The following EGFLAM variants were observed in gnomAD, a reference collection of about 807,000 sequenced individuals.
The protein encoded by EGFLAM is EGF like, fibronectin type III and laminin G domains, also known as pikachurin.
A neutral mutation model predicts 113.1 loss-of-function variants in EGFLAM; 79 were observed. That is an observed-to-expected ratio of 0.70 (90% CI 0.58 to 0.84). The LOEUF is 0.84. Among genes scored for constraint, EGFLAM ranks in the 40% least tolerant of loss-of-function variants. EGFLAM has a pLI of 0.00. For missense variants in EGFLAM, 1,265 were observed against 1,291.6 expected, an observed-to-expected ratio of 0.98 and a Z score of 0.32; for synonymous variants, 504 against 487.6, an observed-to-expected ratio of 1.03 and a Z score of -0.44.
chr5:38,295,982 C>T (rs1159208783), intron 1 of EGFLAM, among the ~76,000 whole-genome samples: 1 of 152,058 alleles, frequency 6.6e-6, no homozygotes. Context: ...AATTGTGAAG[C>T]ACTTTGGTGG....
intron 19 of EGFLAM, among the ~76,000 whole-genome samples, chr5:38,455,507 G>A (rs921204129): frequency 6.6e-6 from 1 of 152,172 alleles, no homozygotes; most frequent in Non-Finnish European, 1.5e-5. Context: ...ACAAGATATA[G>A]AACATGTCCA....
At chr5:38,378,488 C>G (rs1357468410) in intron 6 of EGFLAM, among the ~76,000 whole-genome samples, 2 of 152,188 alleles carry the variant, frequency 1.3e-5, no homozygotes, top group African/African-American at 2.4e-5. Context: ...CAGCAGTGAG[C>G]AGAGAGGAAG....
At chr5:38,435,452 C>T (rs892758612) in intron 16 of EGFLAM, among the ~76,000 whole-genome samples, 199 bp downstream of exon 16, 2 of 152,306 alleles carry the variant, frequency 1.3e-5, no homozygotes, top group Admixed American at 1.3e-4. Flanking sequence ...TGGGTCTATG[C>T]CCGGCAGACA....
Position 38,420,840 on chromosome 5 carries a change from AC to A in EGFLAM, c.1684+2587del, listed in dbSNP as rs1741797805. The stretch of plus-strand genomic sequence containing the variant: ...GATACCCACTTTTCCAGCAGGTGGC[AC>A]CAAAAGGACCTCTCTTGTGGGCTTC... On this transcript the variant is annotated intron_variant, in intron 12 of 21. Coordinates refer to ENST00000322350, the MANE Select transcript of EGFLAM (RefSeq NM_152403.4). Among the ~76,000 whole-genome samples the A allele has an allele frequency of 2.0e-5, 3 of 152,160 alleles. No individual in the cohort carries two copies. In the South Asian group the frequency reaches 6.2e-4, roughly 31 times the overall value.
chr5:38,281,325 G>A (rs1457462555), intron 1 of EGFLAM, among the ~76,000 whole-genome samples: 1 of 151,646 alleles, frequency 6.6e-6, no homozygotes, highest in Admixed American at 6.6e-5. Flanking sequence ...TAAAATAGAG[G>A]ATGCCCAGCT....
chr5:38,418,577 A>C (rs1191508059), intron 12 of EGFLAM, among the ~76,000 whole-genome samples: 2 of 152,180 alleles, frequency 1.3e-5, no homozygotes, highest in African/African-American at 4.8e-5. Context: ...CAGCCCTTTT[A>C]CCTTACCTCA....
At chr5:38,336,348 C>A (rs1327846344) in intron 1 of EGFLAM, among the ~76,000 whole-genome samples, 2 of 152,134 alleles carry the variant, frequency 1.3e-5, no homozygotes, top group East Asian at 3.9e-4. Flanking sequence ...CCAAGGCGGG[C>A]AGGTCACAAG....
At chr5:38,398,796 C>G (rs1347052742) in intron 6 of EGFLAM, among the ~76,000 whole-genome samples, 1 of 152,200 alleles carries the variant, frequency 6.6e-6, no homozygotes, top group East Asian at 1.9e-4. Flanking sequence ...TCTAACCAAC[C>G]AATTCTTGAA....
intron 12 of EGFLAM, among the ~76,000 whole-genome samples, chr5:38,421,542 T>C (rs1579907633): frequency 6.6e-6 from 1 of 152,364 alleles, no homozygotes; most frequent in South Asian, 2.1e-4. Flanking sequence ...ACCTGCTTAG[T>C]GCTTGTCACA....
At position 38,412,620 on chromosome 5, in the gene EGFLAM, A is replaced by G. The variant is rs750571042; in HGVS notation, c.1466A>G (p.Asn489Ser). 3.7e-6 allele frequency: 6 copies of G among 1,614,110 alleles called. No homozygotes were observed. The highest frequency in any genetic ancestry group is 4.5e-5 in the East Asian group (2 of 44,870). ...DGLNGLLQLN[N>S]GTPVTGQSQG... is the part of the protein sequence containing the mutation. ...CTGAACGGGCTGCTGCAGCTGAACA[A>G]TGGCACCCCAGTGACAGGCCAGTCT... The change falls in exon 11 of 22, where the codon AAT becomes AGT. Residue 489 changes from asparagine to serine, a missense_variant. Coordinates refer to ENST00000322350, the MANE Select transcript of EGFLAM (RefSeq NM_152403.4).
intron 14 of EGFLAM, chr5:38,427,470 T>G: frequency 1.6e-6 from 1 of 643,160 alleles, no homozygotes; most frequent in Non-Finnish European, 2.5e-6. Flanking sequence ...CTCAAATAAC[T>G]ACCCAACAGG....
intron 6 of EGFLAM, among the ~76,000 whole-genome samples, chr5:38,372,212 G>A (rs866799998): frequency 4.0e-5 from 6 of 151,380 alleles, no homozygotes; most frequent in Non-Finnish European, 7.4e-5. Context: ...GCGCGATCTC[G>A]GCTCACTGCA....
intron 4 of EGFLAM, among the ~76,000 whole-genome samples, chr5:38,351,515 G>A (rs1371571018): frequency 6.6e-6 from 1 of 152,134 alleles, no homozygotes; most frequent in Non-Finnish European, 1.5e-5. Flanking sequence ...TTTGGCCCGA[G>A]TTACAAAAAA....
chr5:38,372,560 G>A (rs1740251937), intron 6 of EGFLAM, among the ~76,000 whole-genome samples: 1 of 152,162 alleles, frequency 6.6e-6, no homozygotes, highest in Admixed American at 6.5e-5. Context: ...GAGTGGATAA[G>A]TTATATGAAA....
At chr5:38,408,899 G>A (rs781732366) in intron 9 of EGFLAM, 105 bp from the exon 10 acceptor site, 70 of 936,854 alleles carry the variant, frequency 7.5e-5, no homozygotes, top group African/African-American at 1.5e-4. Context: ...AGATAGGATC[G>A]TGGAGGAGAA....
intron 1 of EGFLAM, among the ~76,000 whole-genome samples, chr5:38,291,544 G>A (rs1462373517): frequency 6.6e-6 from 1 of 152,118 alleles, no homozygotes; most frequent in Non-Finnish European, 1.5e-5. Context: ...CTCTCCACGT[G>A]TCTCCACGTG....
At chr5:38,321,452 A>T (rs555418448) in intron 1 of EGFLAM, among the ~76,000 whole-genome samples, 5 of 152,264 alleles carry the variant, frequency 3.3e-5, no homozygotes, top group South Asian at 4.1e-4. Context: ...GGCCCCTGTG[A>T]TGTAAGAAGT....
intron 5 of EGFLAM, among the ~76,000 whole-genome samples, chr5:38,364,003 A>T (rs1372308153): frequency 6.6e-6 from 1 of 152,154 alleles, no homozygotes; most frequent in Non-Finnish European, 1.5e-5. Flanking sequence ...GTAAAACTTT[A>T]TTTACTAAGA....
chr5:38,304,776 T>C (rs1051325440), intron 1 of EGFLAM, among the ~76,000 whole-genome samples: 2 of 152,028 alleles, frequency 1.3e-5, no homozygotes, highest in African/African-American at 4.8e-5. Flanking sequence ...AGTCGAAATA[T>C]CTTGGAGGAA....
Sources: allele counts gnomAD v4.1 joint callset (sites outside exome capture counted in the v4.1 genomes callset), GRCh38; gene constraint gnomAD v4.1.1; transcripts MANE v1.5; gene names NCBI Gene and HGNC (gene_info 2026-07-23, HGNC 2026-07-21).